GCC2: variants seen among roughly 807,000 people sequenced by gnomAD.
GCC2 encodes GRIP and coiled-coil domain-containing protein 2.
Under a neutral mutation model 210.6 loss-of-function variants are expected in GCC2, and 120 were observed. That is an observed-to-expected ratio of 0.57 (90% confidence interval 0.49 to 0.66). The LOEUF (loss-of-function observed/expected upper bound fraction) is 0.66. Among genes scored for constraint, GCC2 ranks in the 30% least tolerant of loss-of-function variants. The pLI is 0.00. For synonymous variants in GCC2, 703 were observed against 652.7 expected (o/e 1.08, Z -1.17); for missense variants, 1,868 against 1,871.9 (o/e 1.00, Z 0.04).
intron 4 of GCC2, among the ~76,000 whole-genome samples, chr2:108,462,427 GA>G (rs1680642705): frequency 6.7e-6 from 1 of 148,938 alleles, no homozygotes; most frequent in Admixed American, 6.7e-5. Context: ...CCGGGAGGCA[GA>G]GCTTGCAGTG....
intron 4 of GCC2, among the ~76,000 whole-genome samples, chr2:108,464,172 G>A (rs1680747928): frequency 6.6e-6 from 1 of 152,182 alleles, no homozygotes; most frequent in Non-Finnish European, 1.5e-5. Flanking sequence ...CGACTAAGGA[G>A]AGTGAAGTTG....
Position 108,449,232 on chromosome 2 carries a change from C to A in GCC2, c.-43C>A. The A allele has an allele frequency of 1.3e-6, 2 of 1,542,188 alleles. No homozygotes were observed. Among genetic ancestry groups the A allele is most frequent in the African/African-American group, 1.4e-5 (1 of 73,026 alleles). ...GAGGCTGGCGCAAACAGAAGTGCAGCGGTGGCGGCGGCTGGTTGCGGGCCG... is the reference window on the plus strand; with the variant it reads ...GAGGCTGGCGCAAACAGAAGTGCAGAGGTGGCGGCGGCTGGTTGCGGGCCG... On this transcript the variant is annotated 5_prime_UTR_variant, in exon 1 of 23. Transcript: ENST00000309863.
rs1681259517 is a variant in GCC2, at chr2:108,472,061, C to T, written c.2732C>T (p.Pro911Leu). ...ATAAAGGAACATGAAAACCTAAAGCCACTACTAGAACAAAAAGAATTACGA... is the reference window on the plus strand; with the variant it reads ...ATAAAGGAACATGAAAACCTAAAGCTACTACTAGAACAAAAAGAATTACGA... ...CFIKEHENLKPLLEQKELRDR... is the reference protein window; with the variant it reads ...CFIKEHENLKLLLEQKELRDR... The change falls in exon 6 of 23, where the codon CCA becomes CTA. Residue 911 changes from proline (P) to leucine (L), a missense_variant. Coordinates refer to ENST00000309863, the MANE Select transcript of GCC2 (RefSeq NM_181453.4). 2 of 1,580,728 alleles carry T rather than the reference C, an allele frequency of 1.3e-6. No homozygotes were observed. The highest frequency in any genetic ancestry group is 1.2e-5 in the South Asian group (1 of 83,928).
intron 4 of GCC2, among the ~76,000 whole-genome samples, chr2:108,454,743 C>T (rs1436199164): frequency 6.6e-6 from 1 of 152,134 alleles, no homozygotes; most frequent in Non-Finnish European, 1.5e-5. Flanking sequence ...ATAATACTTT[C>T]TGTTTGTAGG....
intron 4 of GCC2, among the ~76,000 whole-genome samples, chr2:108,463,750 G>A (rs776480673): frequency 2.6e-4 from 39 of 152,142 alleles, no homozygotes; most frequent in Non-Finnish European, 4.7e-4. Context: ...CCTGGGCAGT[G>A]GATGTAGCAT....
chr2:108,501,236 T>C (rs1230243393), intron 22 of GCC2, among the ~76,000 whole-genome samples: 3 of 152,004 alleles, frequency 2.0e-5, no homozygotes, highest in Non-Finnish European at 4.4e-5. Context: ...CTGCCCGCCT[T>C]GGCCTCCCAA....
chr2:108,464,584 C>T (rs2104434295), intron 4 of GCC2, among the ~76,000 whole-genome samples: 1 of 152,294 alleles, frequency 6.6e-6, no homozygotes, highest in African/African-American at 2.4e-5. Context: ...AGCTGAGAGT[C>T]TCTCACTTAG....
chr2:108,481,851 A>C (rs1446887221), intron 10 of GCC2, 35 bp downstream of exon 10: 1 of 1,439,278 alleles, frequency 6.9e-7, no homozygotes, highest in Admixed American at 2.2e-5. Context: ...TGAAAACTAT[A>C]ACAGGTATAT....
At chr2:108,479,980 C>CAAAAAAAAAAAAAAA (rs200934785) in intron 9 of GCC2, among the ~76,000 whole-genome samples, 2 of 114,536 alleles carry the variant, frequency 1.7e-5, no homozygotes, top group African/African-American at 7.3e-5. Flanking sequence ...GACTCCATCT[C>CAAAAAAAAAAAAAAA]AAAAAAAAAA....
chr2:108,481,386 A>G (rs1043082556), intron 9 of GCC2, among the ~76,000 whole-genome samples: 2 of 152,218 alleles, frequency 1.3e-5, no homozygotes, highest in East Asian at 1.9e-4. Flanking sequence ...CGTTGTATCT[A>G]TCCTTAAATT....
At chr2:108,464,594 G>T (rs181026047) in intron 4 of GCC2, among the ~76,000 whole-genome samples, 1 of 152,294 alleles carries the variant, frequency 6.6e-6, no homozygotes, top group Non-Finnish European at 1.5e-5. Context: ...CTCTCACTTA[G>T]CCTTTCTGAG....
At position 108,481,783 on chromosome 2, in the gene GCC2, C is replaced by T; in HGVS notation, c.3147C>T (p.Asp1049=). 2 of 1,585,776 alleles carry T rather than the reference C, an allele frequency of 1.3e-6. No homozygotes were observed. Among genetic ancestry groups the T allele is most frequent in the East Asian group, 2.3e-5 (1 of 44,354 alleles). The change falls in exon 10 of 23, where the codon GAC becomes GAT. Residue 1049 remains aspartate (D), a synonymous_variant. Coordinates refer to ENST00000309863, the MANE Select transcript of GCC2 (RefSeq NM_181453.4). The stretch of plus-strand genomic sequence containing the variant: ...ATAATTTTGAGCATCGTATTGAAGA[C>T]CTTACAAGACAATTAAGAAATTCGA... The part of the protein sequence containing the change: ...RANNFEHRIE[D]LTRQLRNSTL...
rs375176644 is a variant in GCC2 at position 108,460,699 on chromosome 2, C to T, written c.216+8233C>T. Among the ~76,000 whole-genome samples the T allele has an allele frequency of 3.3e-5, 5 of 152,110 alleles. No individual in the cohort carries two copies. In the East Asian group the frequency reaches 9.6e-4, roughly 29 times the overall value. ...CCTTCATTTATGAAGGATAATTTTG[C>T]TGATTATAGTATCTTTGTGATATGG... On this transcript the variant is annotated intron_variant, in intron 4 of 22. Transcript: ENST00000309863.
chr2:108,471,739 C>G lies in GCC2; in HGVS notation c.2410C>G (p.Arg804Gly). The part of the protein sequence containing the change: ...NEEKCNLAFQ[R>G]DEKVLELEKE... ...GGAAAAATGCAACCTGGCTTTTCAG[C>G]GTGATGAAAAAGTATTAGAGTTAGA... Residue 804 changes from arginine to glycine, a missense_variant, in exon 6 of 23, where the codon CGT becomes GGT. Physicochemically the swap from Arg to Gly is moderately radical, Grantham distance 125 (BLOSUM62 -2). Coordinates refer to ENST00000309863, the MANE Select transcript of GCC2 (RefSeq NM_181453.4). 6.2e-7 allele frequency: 1 copy of G among 1,612,584 alleles called. No individual in the cohort carries two copies. Among genetic ancestry groups the G allele is most frequent in the Non-Finnish European group, 8.5e-7 (1 of 1,179,490 alleles).
At chr2:108,457,627 A>G (rs1680340977) in intron 4 of GCC2, among the ~76,000 whole-genome samples, 1 of 152,012 alleles carries the variant, frequency 6.6e-6, no homozygotes, top group Non-Finnish European at 1.5e-5. Flanking sequence ...CTTCCTGCTT[A>G]TTTGTGTTCT....
chr2:108,484,120 T>C, intron 12 of GCC2, 29 bp from the exon 13 acceptor site: 1 of 1,497,576 alleles, frequency 6.7e-7, no homozygotes, highest in South Asian at 1.3e-5. Context: ...TCTACTATTG[T>C]GTAAATCTTT....
Position 108,470,666 on chromosome 2 carries a change from C to A in GCC2, c.1337C>A (p.Ser446Ter). The A allele has an allele frequency of 6.2e-7, 1 of 1,611,036 alleles. No homozygotes were observed. The highest frequency in any genetic ancestry group is 8.5e-7 in the Non-Finnish European group (1 of 1,178,456). The part of the protein sequence containing the change: ...EISELNETFL[S>*]DSEKEKLTLM... ...TCAGAACTAAATGAGACATTTTTGT[C>A]AGATTCAGAAAAAGAAAAATTAACA... is the stretch of plus-strand genomic sequence containing the variant. Residue 446 changes from serine to a stop codon, truncating the protein, a stop_gained, in exon 6 of 23, where the codon TCA becomes TAA. Transcript: ENST00000309863. LOFTEE classifies it high-confidence loss of function.
intron 19 of GCC2, 114 bp from the exon 20 acceptor site, chr2:108,495,177 C>T (rs1474292416): frequency 5.1e-6 from 3 of 593,908 alleles, no homozygotes; most frequent in East Asian, 2.9e-5. Context: ...CTTATAGTTA[C>T]TTAATTCCTC....
chr2:108,496,745 T>TTG, intron 20 of GCC2: 2 of 654,752 alleles, frequency 3.1e-6, no homozygotes, highest in Non-Finnish European at 5.0e-6. Flanking sequence ...CTCATAGGGC[T>TTG]TGTATTCAGT....
Sources: allele counts gnomAD v4.1 joint callset (sites outside exome capture counted in the v4.1 genomes callset), GRCh38; gene constraint gnomAD v4.1.1; transcripts MANE v1.5; gene names NCBI Gene and HGNC (gene_info 2026-07-23, HGNC 2026-07-21).